Variants in CENPW observed in about 807,000 individuals in gnomAD.
The protein encoded by CENPW is cancer-up-regulated gene 2 protein.
CENPW carries 3 observed loss-of-function variants against 11.1 expected under a neutral mutation model. The ratio of observed to expected loss-of-function variants is 0.27; its 90% CI spans 0.12 to 0.70. The LOEUF is 0.70. Among genes scored for constraint, CENPW ranks in the 30% least tolerant of loss-of-function variants. CENPW has a pLI of 0.77. For missense variants in CENPW, 100 were observed against 105.6 expected (o/e 0.95, Z 0.23); for synonymous variants, 38 against 42.0 (o/e 0.91, Z 0.37).
chr6:126,381,742 A>T, the CENPW span, among the ~76,000 whole-genome samples: 1 of 152,160 alleles, frequency 6.6e-6, no homozygotes, highest in African/African-American at 2.4e-5. Flanking sequence ...GGCACCGCCC[A>T]TCATAGTGTT....
chr6:126,376,849 G>C, the CENPW span, among the ~76,000 whole-genome samples: 1 of 152,166 alleles, frequency 6.6e-6, no homozygotes, highest in Non-Finnish European at 1.5e-5. Flanking sequence ...GAGGTGTCTT[G>C]TGCTGATGGG....
At chr6:126,445,235 T>G in the CENPW span, among the ~76,000 whole-genome samples, 1 of 151,150 alleles carries the variant, frequency 6.6e-6, no homozygotes, top group Admixed American at 6.6e-5. Flanking sequence ...CTTTCTCCCA[T>G]ACAGGGGCTG....
chr6:126,416,811 G>A, the CENPW span, among the ~76,000 whole-genome samples: 6 of 152,230 alleles, frequency 3.9e-5, no homozygotes, highest in African/African-American at 1.4e-4. Context: ...TGTCCAGGCA[G>A]AAGTTTGCTG....
the CENPW span, among the ~76,000 whole-genome samples, chr6:126,403,707 G>A: frequency 2.0e-5 from 3 of 152,092 alleles, no homozygotes; most frequent in South Asian, 4.1e-4. Context: ...AGATGAAACA[G>A]TAAGTGCTGA....
the CENPW span, among the ~76,000 whole-genome samples, chr6:126,483,144 A>T: frequency 6.6e-6 from 1 of 151,878 alleles, no homozygotes; most frequent in Admixed American, 6.6e-5. Context: ...TATTTCTAGT[A>T]TAAAGAAATG....
At chr6:126,382,399 C>G in the CENPW span, among the ~76,000 whole-genome samples, 1 of 152,090 alleles carries the variant, frequency 6.6e-6, no homozygotes, top group Non-Finnish European at 1.5e-5. Flanking sequence ...TTCTTTCCTC[C>G]AAACAATTGC....
At chr6:126,401,915 T>A in the CENPW span, among the ~76,000 whole-genome samples, 2 of 152,172 alleles carry the variant, frequency 1.3e-5, no homozygotes, top group Admixed American at 1.3e-4. Flanking sequence ...TAGCAATTCA[T>A]TAAAAAATTT....
chr6:126,462,873 G>A, the CENPW span, among the ~76,000 whole-genome samples: 1 of 151,880 alleles, frequency 6.6e-6, no homozygotes, highest in African/African-American at 2.4e-5. Context: ...TAAATAGAGG[G>A]CATATAAATT....
chr6:126,408,419 T>C, the CENPW span, among the ~76,000 whole-genome samples: 10 of 152,078 alleles, frequency 6.6e-5, no homozygotes, highest in Admixed American at 5.9e-4. Flanking sequence ...TCAGATCTCG[T>C]GAGACTTATT....
At chr6:126,344,622 C>T (rs924102963) in intron 1 of CENPW, among the ~76,000 whole-genome samples, 34 of 152,152 alleles carry the variant, frequency 2.2e-4, no homozygotes, top group African/African-American at 8.0e-4. Context: ...AATTGGGATG[C>T]TTTACCTCAG....
At chr6:126,367,580 G>GGTA in the CENPW span, among the ~76,000 whole-genome samples, 1 of 152,126 alleles carries the variant, frequency 6.6e-6, no homozygotes, top group South Asian at 2.1e-4. Flanking sequence ...AGTGTAGCAG[G>GGTA]GTAGATAGGA....
chr6:126,458,800 G>A, the CENPW span, among the ~76,000 whole-genome samples: 20 of 151,486 alleles, frequency 1.3e-4, no homozygotes, highest in South Asian at 3.7e-3. Context: ...AAGATTTTAA[G>A]TAACAGATCT....
At chr6:126,377,999 G>A in the CENPW span, among the ~76,000 whole-genome samples, 10 of 152,266 alleles carry the variant, frequency 6.6e-5, no homozygotes, top group Admixed American at 2.6e-4. Flanking sequence ...TCAAAGTGGG[G>A]AAATGGTATG....
the CENPW span, among the ~76,000 whole-genome samples, chr6:126,394,043 T>C: frequency 1.3e-5 from 2 of 151,968 alleles, no homozygotes; most frequent in Admixed American, 1.3e-4. Context: ...AGTATGTTTG[T>C]TGTAGGCAAC....
At chr6:126,382,926 A>T in the CENPW span, among the ~76,000 whole-genome samples, 1 of 152,116 alleles carries the variant, frequency 6.6e-6, no homozygotes, top group Non-Finnish European at 1.5e-5. Flanking sequence ...AATCCAGGAA[A>T]TGCAGAGAAT....
the CENPW span, among the ~76,000 whole-genome samples, chr6:126,460,465 T>G: frequency 4.6e-5 from 7 of 151,614 alleles, no homozygotes; most frequent in African/African-American, 1.7e-4. Context: ...AAGGAGAGCA[T>G]TCTATCTTTT....
At chr6:126,477,778 C>T in the CENPW span, among the ~76,000 whole-genome samples, 1 of 152,100 alleles carries the variant, frequency 6.6e-6, no homozygotes, top group Middle Eastern at 3.4e-3. Context: ...AATTGTCTTG[C>T]TATCTTGCAC....
chr6:126,394,123 A>G, the CENPW span, among the ~76,000 whole-genome samples: 2 of 151,978 alleles, frequency 1.3e-5, no homozygotes, highest in East Asian at 1.9e-4. Context: ...GTCCATTTAC[A>G]TTGAAGGCAA....
chr6:126,420,493 G>A, the CENPW span, among the ~76,000 whole-genome samples: 1 of 152,186 alleles, frequency 6.6e-6, no homozygotes, highest in Non-Finnish European at 1.5e-5. Flanking sequence ...GTTGGTATTA[G>A]TATAGATGGA....
Sources: gnomAD v4.1 joint callset for allele counts (sites outside exome capture counted in the v4.1 genomes callset) on GRCh38, gnomAD v4.1.1 for gene constraint, MANE v1.5 for transcripts, NCBI Gene and HGNC (gene_info 2026-07-23, HGNC 2026-07-21) for gene names.